Variants in PRPF8 observed in about 807,000 individuals in gnomAD.
The protein encoded by PRPF8 is pre-mRNA-processing-splicing factor 8.
PRPF8 carries 64 observed loss-of-function variants against 285.9 expected under a neutral mutation model. The observed-to-expected ratio is 0.22, with a 90% CI of 0.18 to 0.28. PRPF8 has a LOEUF of 0.28. PRPF8 is among the 10% of genes least tolerant of loss of function. PRPF8 has a pLI of 1.00. For synonymous variants in PRPF8, 1,325 were observed against 1,118.2 expected, an observed-to-expected ratio of 1.18 and a Z score of -3.69; for missense variants, 1,426 against 3,026.7, an observed-to-expected ratio of 0.47 and a Z score of 12.41.
At chr17:1,671,850 CAAAAAAA>C (rs1225346730) in intron 24 of PRPF8, among the ~76,000 whole-genome samples, 2 of 49,810 alleles carry the variant, frequency 4.0e-5, no homozygotes, top group African/African-American at 7.4e-5. Context: ...GACTCCATCT[CAAAAAAA>C]AAAAAAAAAA....
Position 1,650,686 on chromosome 17 carries a change from G to A in PRPF8, c.*116C>T, listed in dbSNP as rs774122016. On this transcript the variant is annotated 3_prime_UTR_variant, in exon 43 of 43. Coordinates refer to ENST00000304992, the MANE Select transcript of PRPF8 (RefSeq NM_006445.4). ...ATTCAGGATGACAAGCCATCAGGAG[G>A]TCAACAACACAAGCACAGACAGAGG... The A allele has an allele frequency of 4.9e-6, 6 of 1,222,460 alleles. No individual in the cohort carries two copies. Among genetic ancestry groups the A allele is most frequent in the East Asian group, 2.3e-5 (1 of 42,974 alleles). 75.7% of individuals were successfully genotyped at this position (1,222,460 alleles called of 1,614,324 possible).
At chr17:1,652,082 A>T (rs1235463545) in intron 39 of PRPF8, 1 of 523,640 alleles carries the variant, frequency 1.9e-6, no homozygotes, top group African/African-American at 1.9e-5. Context: ...GCACACATGC[A>T]GCTCAGTGTA....
rs727504109 is a variant in PRPF8, at chr17:1,676,658, G to C, written c.2235C>G (p.Ala745=). The change falls in exon 16 of 43, where the codon GCC becomes GCG. Residue 745 remains alanine, a synonymous_variant. Transcript: ENST00000304992. This position sits in a 1 kb window ranked among gnomAD's most constrained non-coding sequence, Gnocchi z 6.3. ...IENMILRYVK[A]KADWWTNTAH... ...CAGTGTTGGTCCACCAGTCAGCCTT[G>C]GCCTTCACGTATCGAAGGATCATAT... 1.4e-5 allele frequency: 23 copies of C among 1,614,008 alleles called. No homozygotes were observed. In the African/African-American group the frequency reaches 2.4e-4, roughly 17 times the overall value.
rs371163713 is a variant in PRPF8 at position 1,661,854 on chromosome 17, T to A, written c.4022+52A>T. The A allele has an allele frequency of 8.7e-6, 14 of 1,613,964 alleles. No individual in the cohort carries two copies. In the African/African-American group the frequency reaches 9.3e-5, roughly 11 times the overall value. On this transcript the variant is annotated intron_variant, in intron 25 of 42. Coordinates refer to ENST00000304992, the MANE Select transcript of PRPF8 (RefSeq NM_006445.4). This position sits in a 1 kb window ranked among gnomAD's most constrained non-coding sequence, Gnocchi z 7.3. ...GCCTAAAACTAAAGAAATACCCACT[T>A]CCCTTAGGGCCTGAGCAATAGGGTT...
Position 1,662,150 on chromosome 17 carries a change from C to A in PRPF8, c.3778G>T (p.Val1260Leu). ...ASGSTTFTKI[V>L]NKWNTALIGL... Reference sequence around the variant, plus strand: ...ATGAGAGCTGTATTCCACTTATTCACAATCTAAAGGTAGTAGAAAAAAAAG... The same window carrying A: ...ATGAGAGCTGTATTCCACTTATTCAAAATCTAAAGGTAGTAGAAAAAAAAG... The change falls in exon 25 of 43, where the codon GTG becomes TTG. Residue 1260 changes from valine (V) to leucine (L), a missense_variant. By Grantham distance (32) the Val-to-Leu change is conservative. Around this residue, in one of 34 missense-constraint regions of PRPF8, gnomAD observed 25 missense variants for 106.8 expected, o/e 0.23. Transcript: ENST00000304992. The A allele has an allele frequency of 6.2e-7, 1 of 1,614,126 alleles. No individual in the cohort carries two copies. The highest frequency in any genetic ancestry group is 8.5e-7 in the Non-Finnish European group (1 of 1,180,032).
chr17:1,666,889 G>C (rs906095832), intron 24 of PRPF8, among the ~76,000 whole-genome samples: 1 of 151,748 alleles, frequency 6.6e-6, no homozygotes, highest in African/African-American at 2.4e-5. Context: ...ACAGAAAGGA[G>C]GGGGGCCGGG....
intron 34 of PRPF8, 35 bp from the exon 35 acceptor site, chr17:1,656,796 T>C: frequency 2.6e-6 from 4 of 1,555,658 alleles, no homozygotes; most frequent in Non-Finnish European, 3.5e-6. Context: ...GGAAATTTAG[T>C]CTCTACCCTC....
Position 1,676,742 on chromosome 17 carries a change from G to T in PRPF8, c.2182-31C>A. 1 of 1,609,976 alleles carries T rather than the reference G, an allele frequency of 6.2e-7. No homozygotes were observed. Among genetic ancestry groups the T allele is most frequent in the Non-Finnish European group, 8.5e-7 (1 of 1,178,112 alleles). On this transcript the variant is annotated intron_variant, in intron 15 of 42. Coordinates refer to ENST00000304992, the MANE Select transcript of PRPF8 (RefSeq NM_006445.4). The surrounding 1 kb of genome is among the most constrained non-coding windows in gnomAD (Gnocchi z 6.3). The stretch of plus-strand genomic sequence containing the variant: ...AGTCCAAAAAGCACAATCAAGCCAG[G>T]ATCCAGCCAGGCACTGTGGCACACA...
At position 1,650,951 on chromosome 17, in the gene PRPF8, G is replaced by A. The variant is rs1293883059; in HGVS notation, c.6859C>T (p.Arg2287Trp). 2.5e-6 allele frequency: 4 copies of A among 1,614,162 alleles called. No homozygotes were observed. The highest frequency in any genetic ancestry group is 2.2e-5 in the East Asian group (1 of 44,882). ...SSWNYNFMGVRHDPNMKYELQ... is the reference protein window; with the variant it reads ...SSWNYNFMGVWHDPNMKYELQ... The stretch of plus-strand genomic sequence containing the variant: ...TCATATTTCATGTTGGGGTCATGCC[G>A]AACACCTTCGGGGAGAAGGAAACAG... The change falls in exon 43 of 43, where the codon CGG (arginine) becomes TGG (tryptophan). Residue 2287 changes from arginine to tryptophan, a missense_variant. By Grantham distance (101) the Arg-to-Trp change is moderately radical. This residue lies in a region of PRPF8 where 160 missense variants were observed against 373.7 expected (regional missense o/e 0.43). Coordinates refer to ENST00000304992, the MANE Select transcript of PRPF8 (RefSeq NM_006445.4).
Position 1,650,938 on chromosome 17 carries a change from T to G in PRPF8, c.6872A>C (p.Asn2291Thr). Residue 2291 changes from asparagine (N) to threonine (T), a missense_variant, in exon 43 of 43, where the codon AAC (asparagine) becomes ACC (threonine). Transcript: ENST00000304992. Reference protein sequence around the residue: ...YNFMGVRHDPNMKYELQLANP... With the variant: ...YNFMGVRHDPTMKYELQLANP... ...CGCCAGCTGTAGCTCATATTTCATGTTGGGGTCATGCCGAACACCTTCGGG... is the reference window on the plus strand; with the variant it reads ...CGCCAGCTGTAGCTCATATTTCATGGTGGGGTCATGCCGAACACCTTCGGG... 6.2e-7 allele frequency: 1 copy of G among 1,614,164 alleles called. No individual in the cohort carries two copies. The highest frequency in any genetic ancestry group is 8.5e-7 in the Non-Finnish European group (1 of 1,180,032).
At chr17:1,665,297 T>C (rs1329460990) in intron 24 of PRPF8, among the ~76,000 whole-genome samples, 1 of 151,720 alleles carries the variant, frequency 6.6e-6, no homozygotes, top group African/African-American at 2.4e-5. Context: ...CCCAGCACTT[T>C]GGGAGGCTGA....
Position 1,681,067 on chromosome 17 carries a change from A to G in PRPF8, c.867-13T>C. 1.2e-6 allele frequency: 2 copies of G among 1,612,476 alleles called. No homozygotes were observed. Among genetic ancestry groups the G allele is most frequent in the South Asian group, 1.1e-5 (1 of 91,042 alleles). Reference sequence around the variant, plus strand: ...CCAGTCTTCATCCCTAGGGTACAACATCAAGAATAAGCAGACTTTTTTTTT... The same window carrying G: ...CCAGTCTTCATCCCTAGGGTACAACGTCAAGAATAAGCAGACTTTTTTTTT... On this transcript the variant is annotated splice_polypyrimidine_tract_variant and intron_variant, in intron 6 of 42. Transcript: ENST00000304992.
rs1911174825 is a variant in PRPF8 at position 1,653,135 on chromosome 17, T to G, written c.6369+407A>C. 1 of 330,396 alleles carries G rather than the reference T, an allele frequency of 3.0e-6. No homozygotes were observed. Among genetic ancestry groups the G allele is most frequent in the Admixed American group, 4.2e-5 (1 of 23,726 alleles). 20.5% of individuals were successfully genotyped at this position (330,396 alleles called of 1,614,324 possible). ...TTGTATTTTTAGTAGAGACAGGGTT[T>G]CACCATATTGGTCAGGCTGGTCTCA... On this transcript the variant is annotated intron_variant, in intron 39 of 42. Coordinates refer to ENST00000304992, the MANE Select transcript of PRPF8 (RefSeq NM_006445.4). The surrounding 1 kb of genome is among the most constrained non-coding windows in gnomAD (Gnocchi z 4.9).
At chr17:1,672,926 G>A (rs1293128138) in intron 24 of PRPF8, 155 bp downstream of exon 24, 4 of 750,844 alleles carry the variant, frequency 5.3e-6, no homozygotes, top group Non-Finnish European at 9.7e-6. Context: ...GAAGTGACCT[G>A]ACATACTATA....
At chr17:1,664,149 G>A (rs995506018) in intron 24 of PRPF8, among the ~76,000 whole-genome samples, 3 of 152,050 alleles carry the variant, frequency 2.0e-5, no homozygotes, top group Admixed American at 6.6e-5. Context: ...TCCCGCCTCA[G>A]CCTCCCAAGC....
chr17:1,665,708 C>T (rs1337238583), intron 24 of PRPF8, among the ~76,000 whole-genome samples: 6 of 149,920 alleles, frequency 4.0e-5, no homozygotes, highest in Non-Finnish European at 7.4e-5. Flanking sequence ...TAGCCGGGTG[C>T]GGTGGCAGGC....
Position 1,682,176 on chromosome 17 carries a change from G to A in PRPF8, c.387C>T (p.Val129=), listed in dbSNP as rs771626489. ...LYHITGAISF[V]NEIPWVIEPV... ...GTTCAATGACCCAGGGAATCTCATT[G>A]ACGAAGGAAATGGCTCCAGTGATGT... Residue 129 remains valine, a synonymous_variant, in exon 4 of 43, where the codon GTC becomes GTT. Coordinates refer to ENST00000304992, the MANE Select transcript of PRPF8 (RefSeq NM_006445.4). 8 of 1,613,948 alleles carry A rather than the reference G, an allele frequency of 5.0e-6. No homozygotes were observed. Among genetic ancestry groups the A allele is most frequent in the Non-Finnish European group, 5.9e-6 (7 of 1,180,026 alleles).
Position 1,655,339 on chromosome 17 carries a change from G to A in PRPF8, c.5987+11C>T. On this transcript the variant is annotated intron_variant, in intron 37 of 42. Transcript: ENST00000304992. ...AGACCTCCTGTCTGTGTCCCCACCA[G>A]CACTGCTCACTTGTTTTTCTTGCCG... 6.2e-7 allele frequency: 1 copy of A among 1,612,688 alleles called. No individual in the cohort carries two copies. The highest frequency in any genetic ancestry group is 8.5e-7 in the Non-Finnish European group (1 of 1,179,996).
At chr17:1,665,036 T>G (rs1597235700) in intron 24 of PRPF8, among the ~76,000 whole-genome samples, 1 of 150,922 alleles carries the variant, frequency 6.6e-6, no homozygotes, top group African/African-American at 2.4e-5. Flanking sequence ...GGCGGGCACC[T>G]GTAATCCCAG....
Sources: allele counts gnomAD v4.1 joint callset (sites outside exome capture counted in the v4.1 genomes callset), GRCh38; gene constraint gnomAD v4.1.1; regional missense constraint gnomAD v4.1.1; non-coding constraint Gnocchi (gnomAD v3.1); transcripts MANE v1.5; gene names NCBI Gene and HGNC (gene_info 2026-07-23, HGNC 2026-07-21).